Variants in PRKCQ observed in about 807,000 individuals in gnomAD.
PRKCQ encodes the protein protein kinase C theta type.
PRKCQ carries 41 observed loss-of-function variants against 91.2 expected under a neutral mutation model. The observed-to-expected ratio is 0.45, with a 90% CI of 0.35 to 0.58. The LOEUF is 0.58. PRKCQ is among the 20% of genes least tolerant of loss of function. The pLI, the probability that PRKCQ is intolerant of heterozygous loss-of-function variation, is 0.00. For synonymous variants in PRKCQ, 307 were observed against 316.9 expected, an observed-to-expected ratio of 0.97 and a Z score of 0.33; for missense variants, 673 against 896.5, an observed-to-expected ratio of 0.75 and a Z score of 3.18.
the PRKCQ span, among the ~76,000 whole-genome samples, chr10:6,417,197 CAG>C: frequency 1.3e-5 from 2 of 152,258 alleles, no homozygotes; most frequent in Admixed American, 1.3e-4. Flanking sequence ...AGGAGGAAAA[CAG>C]GGGCAGTTAA....
At chr10:6,506,224 A>C (rs1489271317) in intron 4 of PRKCQ, among the ~76,000 whole-genome samples, 1 of 152,226 alleles carries the variant, frequency 6.6e-6, no homozygotes, top group Non-Finnish European at 1.5e-5. Flanking sequence ...TCTTTTAAAA[A>C]AATTTTATTA....
intron 3 of PRKCQ, among the ~76,000 whole-genome samples, chr10:6,508,812 A>C (rs981583706): frequency 7.9e-5 from 12 of 152,306 alleles, no homozygotes; most frequent in Non-Finnish European, 1.5e-4. Flanking sequence ...TACTGGAAAA[A>C]CAGCACCCAT....
intron 1 of PRKCQ, among the ~76,000 whole-genome samples, chr10:6,559,720 C>T (rs1284885921): frequency 6.6e-6 from 1 of 152,158 alleles, no homozygotes; most frequent in Non-Finnish European, 1.5e-5. Context: ...TATTTTTCTT[C>T]ACTCTCCATC....
At chr10:6,409,971 A>AAAGCT in the PRKCQ span, among the ~76,000 whole-genome samples, 1 of 152,246 alleles carries the variant, frequency 6.6e-6, no homozygotes, top group Non-Finnish European at 1.5e-5. Flanking sequence ...ACAAACAGAA[A>AAAGCT]GTTTAAGAGC....
the PRKCQ span, among the ~76,000 whole-genome samples, chr10:6,404,545 C>T: frequency 1.4e-5 from 2 of 143,110 alleles, no homozygotes; most frequent in African/African-American, 5.1e-5. Context: ...TCCCTTCCTT[C>T]CTTACTTCCA....
intron 1 of PRKCQ, among the ~76,000 whole-genome samples, chr10:6,566,338 A>G (rs1486709282): frequency 6.6e-6 from 1 of 152,154 alleles, no homozygotes; most frequent in East Asian, 1.9e-4. Flanking sequence ...CACATTAACT[A>G]CAGCCCTAGG....
chr10:6,492,075 C>G (rs889843768), intron 7 of PRKCQ, among the ~76,000 whole-genome samples: 3 of 152,186 alleles, frequency 2.0e-5, no homozygotes, highest in African/African-American at 7.2e-5. Flanking sequence ...GGCATTCACA[C>G]AGACAGGCTA....
chr10:6,423,681 G>A (rs1318323135), downstream of PRKCQ, among the ~76,000 whole-genome samples: 2 of 150,776 alleles, frequency 1.3e-5, no homozygotes, highest in Non-Finnish European at 3.0e-5. Flanking sequence ...ACGACCCTGT[G>A]TCTCTGCTAC....
Position 6,428,057 on chromosome 10 carries a change from G to C in PRKCQ, c.*150C>G. On this transcript the variant is annotated 3_prime_UTR_variant, in exon 18 of 18. Transcript: ENST00000263125. ...TGAAGTAGACTTGGTTTCTGCTACAGATAAAAGTCACATGGGGGCGAACGG... is the reference window on the plus strand; with the variant it reads ...TGAAGTAGACTTGGTTTCTGCTACACATAAAAGTCACATGGGGGCGAACGG... The C allele has an allele frequency of 1.1e-6, 1 of 947,950 alleles. No individual in the cohort carries two copies. The highest frequency in any genetic ancestry group is 1.6e-6 in the Non-Finnish European group (1 of 638,304). 58.7% of individuals were successfully genotyped at this position (947,950 alleles called of 1,614,324 possible). A position where few individuals can be genotyped will look rare whatever the true frequency, so the allele number is the denominator to read the frequency against.
intron 1 of PRKCQ, among the ~76,000 whole-genome samples, chr10:6,550,882 G>GT: frequency 6.6e-6 from 1 of 152,042 alleles, no homozygotes; most frequent in Non-Finnish European, 1.5e-5. Flanking sequence ...GTTATTTTTT[G>GT]TTTTTTGATC....
chr10:6,521,954 T>TTTATTTA, intron 1 of PRKCQ, among the ~76,000 whole-genome samples: 1 of 151,932 alleles, frequency 6.6e-6, no homozygotes, highest in African/African-American at 2.4e-5. Flanking sequence ...TATTTATTTA[T>TTTATTTA]TTTTTTGAGA....
intron 1 of PRKCQ, among the ~76,000 whole-genome samples, chr10:6,577,699 G>A (rs941478609): frequency 1.3e-5 from 2 of 152,058 alleles, no homozygotes; most frequent in Non-Finnish European, 2.9e-5. Flanking sequence ...ATATAACCTT[G>A]TTAACAAACC....
chr10:6,524,355 G>A (rs1195319922), intron 1 of PRKCQ, among the ~76,000 whole-genome samples: 1 of 152,042 alleles, frequency 6.6e-6, no homozygotes, highest in African/African-American at 2.4e-5. Context: ...TTATGGCTGG[G>A]GCTCAGCAAG....
Position 6,485,181 on chromosome 10 carries a change from G to A in PRKCQ, c.989C>T (p.Pro330Leu), listed in dbSNP as rs2236379. ...LPCSIKNEAR[P>L]PCLPTPGKRE... ...TTTTCCCGGTGTCGGTAAACATGGC[G>A]GCCTTGCTTCATTTTTGATGGAGCA... Residue 330 changes from proline (P) to leucine (L), a missense_variant, in exon 10 of 18, where the codon CCG (proline) becomes CTG (leucine). By Grantham distance (98) the Pro-to-Leu change is moderately conservative. Transcript: ENST00000263125. 0.28 allele frequency: 446,039 copies of A among 1,612,426 alleles called. 65,086 individuals are homozygous for A. Among genetic ancestry groups the A allele is most frequent in the East Asian group, 0.44 (19,610 of 44,814 alleles).
rs200412009 is a variant in PRKCQ at position 6,442,066 on chromosome 10, T to C, written c.1663A>G (p.Lys555Glu). ...CACCAGTCCACAGAGTGGTTGTATT[T>C]CTGACCCAGCAAGATCTGCACAACC... ...YIAPEILLGQ[K>E]YNHSVDWWSF... The change falls in exon 16 of 18, where the codon AAA becomes GAA. Residue 555 changes from lysine to glutamate, a missense_variant. Lys to Glu is a moderately conservative substitution (Grantham distance 56). Transcript: ENST00000263125. 8.7e-6 allele frequency: 14 copies of C among 1,612,566 alleles called. No homozygotes were observed. In the Admixed American group the frequency reaches 2.3e-4, roughly 27 times the overall value.
At chr10:6,431,848 T>C (rs1021560921) in intron 16 of PRKCQ, among the ~76,000 whole-genome samples, 1 of 152,234 alleles carries the variant, frequency 6.6e-6, no homozygotes, top group Non-Finnish European at 1.5e-5. Context: ...TAATAATTTC[T>C]GAGCTGGCAC....
At chr10:6,404,255 GGA>G in the PRKCQ span, among the ~76,000 whole-genome samples, 30 of 34,360 alleles carry the variant, frequency 8.7e-4, no homozygotes, top group Admixed American at 2.7e-3. Flanking sequence ...GAAGGGGGGG[GGA>G]GAGAGAGAGA....
At chr10:6,511,414 G>A (rs775643234) in intron 2 of PRKCQ, among the ~76,000 whole-genome samples, 6 of 152,168 alleles carry the variant, frequency 3.9e-5, no homozygotes, top group South Asian at 2.1e-4. Context: ...TAAGTCCAGC[G>A]TTGATAATTC....
chr10:6,543,079 G>T (rs537391710), intron 1 of PRKCQ, among the ~76,000 whole-genome samples: 3 of 152,174 alleles, frequency 2.0e-5, no homozygotes, highest in Non-Finnish European at 4.4e-5. Context: ...CCCTGAGGGT[G>T]GGCCCTGCCC....
Sources: gnomAD v4.1 joint callset for allele counts (sites outside exome capture counted in the v4.1 genomes callset) on GRCh38, gnomAD v4.1.1 for gene constraint, MANE v1.5 for transcripts, NCBI Gene and HGNC (gene_info 2026-07-23, HGNC 2026-07-21) for gene names.